The following PARD3B variants were observed in gnomAD, a reference collection of about 807,000 sequenced individuals.
PARD3B encodes the protein partitioning defective 3 homolog B.
In PARD3B, 103 loss-of-function variants were observed where a neutral mutation model predicts 130.2. That is an observed-to-expected ratio of 0.79 (90% CI 0.67 to 0.93). The LOEUF (loss-of-function observed/expected upper bound fraction) is 0.93. Ranked by LOEUF, PARD3B falls within the 40% of genes least tolerant of loss-of-function variation. PARD3B has a pLI of 0.00. For synonymous variants in PARD3B, 583 were observed against 553.2 expected, an observed-to-expected ratio of 1.05 and a Z score of -0.76; for missense variants, 1,609 against 1,499.2, an observed-to-expected ratio of 1.07 and a Z score of -1.21.
chr2:204,821,883 A>C (rs1038064573), intron 2 of PARD3B, among the ~76,000 whole-genome samples: 1 of 152,082 alleles, frequency 6.6e-6, no homozygotes, highest in Non-Finnish European at 1.5e-5. Flanking sequence ...TTTTCTTCCC[A>C]GTCTCAGGTT....
chr2:204,574,634 A>G (rs1369009322), intron 1 of PARD3B, among the ~76,000 whole-genome samples: 1 of 152,228 alleles, frequency 6.6e-6, no homozygotes, highest in Non-Finnish European at 1.5e-5. Context: ...GGCAACTTAC[A>G]GTCACTGTGC....
At position 205,570,086 on chromosome 2, in the gene PARD3B, G is replaced by C. The variant is rs774672554; in HGVS notation, c.3260+16683G>C. ...TTTGCTGGAAGGAGACTTGTCCTGA[G>C]ATTGTGTGTCAATTTGGCTAAGCCG... On this transcript the variant is annotated intron_variant, in intron 22 of 22. Transcript: ENST00000406610. Among the ~76,000 whole-genome samples the C allele has an allele frequency of 3.9e-5, 6 of 152,272 alleles. No homozygotes were observed. The South Asian group carries it at 1.2e-3, about 32-fold the overall frequency.
Position 204,714,309 on chromosome 2 carries a change from T to G in PARD3B, c.222+28027T>G, listed in dbSNP as rs141972532. Among the ~76,000 whole-genome samples the G allele has an allele frequency of 4.9e-4, 74 of 152,336 alleles. 1 individual carries two copies. Among genetic ancestry groups the G allele is most frequent in the Middle Eastern group, 6.8e-3 (2 of 294 alleles). On this transcript the variant is annotated intron_variant, in intron 2 of 22. Transcript: ENST00000406610. ...CATTTGTGTACATTAGTACTCTTTT[T>G]CACACATAACCCTTTTCCTTATTAG... is the stretch of plus-strand genomic sequence containing the variant.
At chr2:205,040,729 C>T (rs891586510) in intron 3 of PARD3B, among the ~76,000 whole-genome samples, 5 of 152,142 alleles carry the variant, frequency 3.3e-5, no homozygotes, top group Non-Finnish European at 4.4e-5. Flanking sequence ...AATTTACCAA[C>T]TTACATGTAT....
At chr2:205,365,462 C>T (rs559584461) in intron 18 of PARD3B, among the ~76,000 whole-genome samples, 3 of 151,434 alleles carry the variant, frequency 2.0e-5, no homozygotes, top group Admixed American at 6.6e-5. Flanking sequence ...CACACAGCAT[C>T]GAATCCGTTT....
At chr2:204,998,694 G>C (rs1694562034) in intron 3 of PARD3B, among the ~76,000 whole-genome samples, 1 of 151,152 alleles carries the variant, frequency 6.6e-6, no homozygotes, top group Non-Finnish European at 1.5e-5. Context: ...AATGTTTTTC[G>C]CTTTTCATCT....
intron 15 of PARD3B, among the ~76,000 whole-genome samples, chr2:205,201,547 ATAT>A (rs1229510357): frequency 5.3e-5 from 8 of 152,210 alleles, no homozygotes; most frequent in African/African-American, 1.9e-4. Context: ...TCATTAAAAC[ATAT>A]TATAGGGCCG....
At position 205,548,184 on chromosome 2, in the gene PARD3B, T is replaced by G. The variant is rs151029543; in HGVS notation, c.3181-5140T>G. 3.6e-3 allele frequency among the ~76,000 whole-genome samples: 550 copies of G among 152,168 alleles called. 1 individual carries two copies. Among genetic ancestry groups the G allele is most frequent in the Non-Finnish European group, 6.0e-3 (410 of 68,012 alleles). Reference sequence around the variant, plus strand: ...ATTAGTGTTCCTCTCTCTTCTCATTTGTCTTTTCTTTTATTTGGTCCCTAC... The same window carrying G: ...ATTAGTGTTCCTCTCTCTTCTCATTGGTCTTTTCTTTTATTTGGTCCCTAC... On this transcript the variant is annotated intron_variant, in intron 21 of 22. Transcript: ENST00000406610.
chr2:205,223,044 G>C (rs1053817687), intron 15 of PARD3B, among the ~76,000 whole-genome samples: 1 of 152,098 alleles, frequency 6.6e-6, no homozygotes, highest in African/African-American at 2.4e-5. Context: ...AGGCAGGATC[G>C]GGAGCAGAGA....
chr2:204,896,682 A>G (rs1216264264), intron 2 of PARD3B, among the ~76,000 whole-genome samples: 3 of 152,204 alleles, frequency 2.0e-5, no homozygotes, highest in Non-Finnish European at 4.4e-5. Flanking sequence ...ACTCCTTGTA[A>G]GAGAGACTAA....
Position 205,142,396 on chromosome 2 carries a change from T to C in PARD3B, c.1435-16326T>C, listed in dbSNP as rs2033033214. On this transcript the variant is annotated intron_variant, in intron 10 of 22. Transcript: ENST00000406610. This position sits in a 1 kb window ranked among gnomAD's most constrained non-coding sequence, Gnocchi z 4.3. ...TAAGATGAAAGACATAGTAGTCGCTTTTGGGAGGGAACTTAAATACAATTT... is the reference window on the plus strand; with the variant it reads ...TAAGATGAAAGACATAGTAGTCGCTCTTGGGAGGGAACTTAAATACAATTT... Among the ~76,000 whole-genome samples, 2 of 152,136 alleles carry C rather than the reference T, an allele frequency of 1.3e-5. No individual in the cohort carries two copies. Among genetic ancestry groups the C allele is most frequent in the Admixed American group, 6.5e-5 (1 of 15,274 alleles).
In PARD3B at chr2:205,300,521, C is replaced by G; in HGVS notation, c.2186-9C>G. On this transcript the variant is annotated splice_polypyrimidine_tract_variant and intron_variant, in intron 16 of 22. Transcript: ENST00000406610. This position sits in a 1 kb window ranked among gnomAD's most constrained non-coding sequence, Gnocchi z 4.1. ...GAAGAGGGGTGACCTTTTGCCCTTT[C>G]TTTTCCAGAATCTCCAAGCAAAGAT... 6.2e-7 allele frequency: 1 copy of G among 1,610,520 alleles called. No homozygotes were observed.
chr2:205,559,990 A>G (rs2053070212), intron 22 of PARD3B, among the ~76,000 whole-genome samples: 1 of 152,238 alleles, frequency 6.6e-6, no homozygotes, highest in Non-Finnish European at 1.5e-5. Context: ...CAATGCTCAC[A>G]GCAACCCTGT....
intron 2 of PARD3B, among the ~76,000 whole-genome samples, chr2:204,790,164 C>G (rs1362853870): frequency 1.3e-5 from 2 of 152,174 alleles, no homozygotes; most frequent in Admixed American, 1.3e-4. Context: ...GCCACCATGC[C>G]CAGCCTCTGA....
chr2:205,581,277 T>TATAGATAG (rs1559238191), intron 22 of PARD3B, among the ~76,000 whole-genome samples: 10 of 67,878 alleles, frequency 1.5e-4, no homozygotes, highest in African/African-American at 3.0e-4. Context: ...GATAGATAGA[T>TATAGATAG]ATAGATATAT....
At chr2:205,605,504 A>C (rs2054957837) in intron 22 of PARD3B, among the ~76,000 whole-genome samples, 1 of 150,368 alleles carries the variant, frequency 6.7e-6, no homozygotes, top group Non-Finnish European at 1.5e-5. Context: ...TTGTTTTAAC[A>C]GTCAGGCCCC....
At chr2:205,400,576 A>C (rs937769533) in intron 18 of PARD3B, among the ~76,000 whole-genome samples, 6 of 151,978 alleles carry the variant, frequency 3.9e-5, no homozygotes, top group African/African-American at 1.5e-4. Flanking sequence ...CGGGTAGCAG[A>C]GATTTCAGTG....
intron 18 of PARD3B, among the ~76,000 whole-genome samples, chr2:205,344,460 T>A (rs1262950771): frequency 6.6e-6 from 1 of 152,126 alleles, no homozygotes; most frequent in African/African-American, 2.4e-5. Context: ...ACACAGGCTG[T>A]GAGCAACTCA....
chr2:204,764,241 C>T (rs994472612), intron 2 of PARD3B, among the ~76,000 whole-genome samples: 8 of 152,126 alleles, frequency 5.3e-5, no homozygotes, highest in East Asian at 1.9e-4. Flanking sequence ...GTAGCTCCAC[C>T]GCATCCTTCT....
Sources: allele counts gnomAD v4.1 joint callset (sites outside exome capture counted in the v4.1 genomes callset), GRCh38; gene constraint gnomAD v4.1.1; non-coding constraint Gnocchi (gnomAD v3.1); transcripts MANE v1.5; gene names NCBI Gene and HGNC (gene_info 2026-07-23, HGNC 2026-07-21).